SLIT3: variants seen among roughly 807,000 people sequenced by gnomAD.
The protein encoded by SLIT3 is slit guidance ligand 3.
SLIT3 carries 68 observed loss-of-function variants against 184.0 expected under a neutral mutation model. The observed-to-expected ratio is 0.37, with a 90% CI of 0.30 to 0.45. The LOEUF is 0.45. Among genes scored for constraint, SLIT3 ranks in the 20% least tolerant of loss-of-function variants. SLIT3 has a pLI of 1.00. For synonymous variants in SLIT3, 831 were observed against 828.6 expected (o/e 1.00, Z -0.05); for missense variants, 1,707 against 2,026.0 (o/e 0.84, Z 3.02).
At chr5:169,173,491 G>A (rs1762879261) in intron 4 of SLIT3, among the ~76,000 whole-genome samples, 1 of 152,138 alleles carries the variant, frequency 6.6e-6, no homozygotes, top group South Asian at 2.1e-4. Flanking sequence ...AAGCTTCAAG[G>A]ATGCTGTCTC....
chr5:168,987,600 G>A (rs148891402), intron 4 of SLIT3, among the ~76,000 whole-genome samples: 4 of 152,342 alleles, frequency 2.6e-5, no homozygotes, highest in Middle Eastern at 6.8e-3. Flanking sequence ...CATGCACACA[G>A]TAAAGCTCTA....
chr5:169,264,651 C>T (rs1247902211), intron 1 of SLIT3, among the ~76,000 whole-genome samples: 1 of 152,190 alleles, frequency 6.6e-6, no homozygotes, highest in African/African-American at 2.4e-5. Flanking sequence ...ATCAAATCAC[C>T]TTCCTACCAG....
At chr5:168,718,215 G>A (rs1192612304) in intron 23 of SLIT3, 1 of 143,938 alleles carries the variant, frequency 6.9e-6, no homozygotes, top group East Asian at 2.0e-4. Flanking sequence ...GTCTCAGAAG[G>A]TAATCAAGCA....
chr5:169,275,076 A>C (rs1050309322), intron 1 of SLIT3, among the ~76,000 whole-genome samples: 1 of 152,230 alleles, frequency 6.6e-6, no homozygotes, highest in Non-Finnish European at 1.5e-5. Flanking sequence ...TCAAGCCAAC[A>C]AATGTCAGTG....
chr5:168,802,518 GC>G (rs1373339472), intron 9 of SLIT3, among the ~76,000 whole-genome samples: 1 of 152,218 alleles, frequency 6.6e-6, no homozygotes, highest in Non-Finnish European at 1.5e-5. Flanking sequence ...GACCGTGGGT[GC>G]CCAATACGCA....
At chr5:168,737,323 C>T (rs1763471083) in intron 20 of SLIT3, among the ~76,000 whole-genome samples, 1 of 152,192 alleles carries the variant, frequency 6.6e-6, no homozygotes, top group Non-Finnish European at 1.5e-5. Flanking sequence ...CCAGGTCCTT[C>T]TTGCTTCTTC....
intron 2 of SLIT3, among the ~76,000 whole-genome samples, chr5:169,250,802 C>T (rs1581102555): frequency 6.6e-6 from 1 of 152,114 alleles, no homozygotes; most frequent in African/African-American, 2.4e-5. Flanking sequence ...CAGACAAGCA[C>T]TTGGGAAGTT....
At chr5:168,812,890 A>T (rs1757208155) in intron 8 of SLIT3, among the ~76,000 whole-genome samples, 1 of 111,688 alleles carries the variant, frequency 9.0e-6, no homozygotes. Context: ...TCCCAAATTA[A>T]AAAAAAAAAA....
At chr5:169,058,958 C>A (rs1409587063) in intron 4 of SLIT3, among the ~76,000 whole-genome samples, 1 of 152,150 alleles carries the variant, frequency 6.6e-6, no homozygotes, top group Non-Finnish European at 1.5e-5. Flanking sequence ...TTTGCACAAA[C>A]CAAACATAGT....
At chr5:168,678,581 G>T (rs1321275400) in intron 32 of SLIT3, among the ~76,000 whole-genome samples, 6 of 152,178 alleles carry the variant, frequency 3.9e-5, no homozygotes, top group African/African-American at 9.6e-5. Context: ...TACTCGGGAG[G>T]CTGAGGCAGG....
At chr5:169,264,478 G>A (rs1036116412) in intron 1 of SLIT3, among the ~76,000 whole-genome samples, 12 of 152,114 alleles carry the variant, frequency 7.9e-5, no homozygotes, top group African/African-American at 2.7e-4. Context: ...GTGCCTGGCC[G>A]GAAGATGCTT....
Position 168,671,200 on chromosome 5 carries a change from G to A in SLIT3, c.4125C>T (p.His1375=), listed in dbSNP as rs763813873. The A allele has an allele frequency of 3.7e-6, 6 of 1,606,164 alleles. No individual in the cohort carries two copies. Among genetic ancestry groups the A allele is most frequent in the Non-Finnish European group, 5.1e-6 (6 of 1,174,950 alleles). Residue 1375 remains histidine, a splice_region_variant and synonymous_variant, in exon 34 of 36, where the codon CAC becomes CAT. Coordinates refer to ENST00000519560, the MANE Select transcript of SLIT3 (RefSeq NM_003062.4). ...GCCAGGGCTCCTGGGACACTGACCT[G>A]TGGCCGAGGCAGGGGTCCCGGGCCT... ...DQEARDPCLG[H]RCHHGKCVAT... is the part of the protein sequence containing the mutation.
chr5:168,996,981 C>A (rs75805914), intron 4 of SLIT3, among the ~76,000 whole-genome samples: 5,371 of 152,228 alleles, frequency 0.035, 118 homozygotes, highest in Middle Eastern at 0.051. Flanking sequence ...CTGCAGGTCT[C>A]TGTGAGTGGG....
At chr5:168,903,224 T>C (rs1468152061) in intron 4 of SLIT3, among the ~76,000 whole-genome samples, 1 of 152,194 alleles carries the variant, frequency 6.6e-6, no homozygotes, top group Non-Finnish European at 1.5e-5. Context: ...CCTCGTTCAG[T>C]TCTCTGCAGT....
chr5:168,980,594 G>C (rs938061348), intron 4 of SLIT3, among the ~76,000 whole-genome samples: 1 of 152,064 alleles, frequency 6.6e-6, no homozygotes, highest in African/African-American at 2.4e-5. Context: ...TTCAACTTGG[G>C]CAATATGGCA....
intron 16 of SLIT3, among the ~76,000 whole-genome samples, chr5:168,758,773 C>A (rs1215845270): frequency 6.6e-6 from 1 of 152,182 alleles, no homozygotes; most frequent in East Asian, 1.9e-4. Flanking sequence ...TCATATTTGT[C>A]TACAGGGAAC....
At chr5:168,896,405 A>T (rs746180680) in intron 4 of SLIT3, among the ~76,000 whole-genome samples, 1 of 152,238 alleles carries the variant, frequency 6.6e-6, no homozygotes, top group South Asian at 2.1e-4. Context: ...ACTGGTTCTT[A>T]TCAGTACTTG....
intron 3 of SLIT3, among the ~76,000 whole-genome samples, chr5:169,211,117 T>C (rs1003866454): frequency 3.9e-5 from 6 of 152,024 alleles, no homozygotes; most frequent in African/African-American, 1.2e-4. Context: ...ACAGCCTGAA[T>C]CCAAACCCAA....
intron 4 of SLIT3, among the ~76,000 whole-genome samples, chr5:168,976,212 C>T (rs1354159437): frequency 6.6e-6 from 1 of 152,188 alleles, no homozygotes; most frequent in East Asian, 1.9e-4. Context: ...ATGTAACTTG[C>T]CCAAGGTTGT....
Sources: gnomAD v4.1 joint callset for allele counts (sites outside exome capture counted in the v4.1 genomes callset) on GRCh38, gnomAD v4.1.1 for gene constraint, MANE v1.5 for transcripts, NCBI Gene and HGNC (gene_info 2026-07-23, HGNC 2026-07-21) for gene names.